LARS1: variants seen among roughly 807,000 people sequenced by gnomAD.
LARS1 encodes leucine--tRNA ligase, cytoplasmic.
Under a neutral mutation model 162.8 loss-of-function variants are expected in LARS1, and 100 were observed. That is an observed-to-expected ratio of 0.61 (90% CI 0.52 to 0.73). The LOEUF (loss-of-function observed/expected upper bound fraction) is 0.73. Ranked by LOEUF, LARS1 falls within the 30% of genes least tolerant of loss-of-function variation. LARS1 has a pLI of 0.00. For synonymous variants in LARS1, 457 were observed against 462.8 expected (o/e 0.99, Z 0.16); for missense variants, 1,258 against 1,408.9 (o/e 0.89, Z 1.71).
chr5:146,113,135 G>C lies in LARS1; in HGVS notation c.*971C>G, dbSNP rs1764049754. The C allele has an allele frequency of 6.6e-6, 1 of 152,262 alleles. No individual in the cohort carries two copies. The highest frequency in any genetic ancestry group is 6.5e-5 in the Admixed American group (1 of 15,280). 9.4% of individuals were successfully genotyped at this position (152,262 alleles called of 1,614,324 possible). A position where few individuals can be genotyped will look rare whatever the true frequency, so the allele number is the denominator to read the frequency against. ...GCTGGAGTGCAATGGCACGGTTTCAGCTCACTGCAACCTCGGTCTCCCAGG... is the reference window on the plus strand; with the variant it reads ...GCTGGAGTGCAATGGCACGGTTTCACCTCACTGCAACCTCGGTCTCCCAGG... On this transcript the variant is annotated 3_prime_UTR_variant, in exon 32 of 32. Coordinates refer to ENST00000394434, the MANE Select transcript of LARS1 (RefSeq NM_020117.11).
chr5:146,161,856 T>C (rs1753795000), intron 6 of LARS1, among the ~76,000 whole-genome samples: 1 of 152,206 alleles, frequency 6.6e-6, no homozygotes, highest in Admixed American at 6.5e-5. Flanking sequence ...TCAACAATGT[T>C]CACTGCACCT....
Position 146,140,095 on chromosome 5 carries a change from C to T in LARS1, c.2148+109G>A. The stretch of plus-strand genomic sequence containing the variant: ...GCTCTGGAATTACAGGCATGAGGCA[C>T]CACACCTGGACACATTATTTCTTAC... On this transcript the variant is annotated intron_variant, in intron 21 of 31. Coordinates refer to ENST00000394434, the MANE Select transcript of LARS1 (RefSeq NM_020117.11). The T allele has an allele frequency of 3.6e-6, 3 of 837,006 alleles. No individual in the cohort carries two copies. In the South Asian group the frequency reaches 4.4e-5, roughly 12 times the overall value. 51.8% of individuals were successfully genotyped at this position (837,006 alleles called of 1,614,324 possible). A position where few individuals can be genotyped will look rare whatever the true frequency, so the allele number is the denominator to read the frequency against.
At chr5:146,123,482 C>G (rs761113953) in intron 29 of LARS1, among the ~76,000 whole-genome samples, 2 of 151,786 alleles carry the variant, frequency 1.3e-5, no homozygotes, top group African/African-American at 4.8e-5. Context: ...GAAAAAAACA[C>G]GGCAAGACAT....
intron 31 of LARS1, among the ~76,000 whole-genome samples, chr5:146,119,828 A>G (rs1197262090): frequency 6.6e-6 from 1 of 152,224 alleles, no homozygotes; most frequent in East Asian, 1.9e-4. Context: ...AGAGTTTACT[A>G]GCTAAACAAA....
chr5:146,157,883 C>T, intron 8 of LARS1, 88 bp from the exon 9 acceptor site: 1 of 1,287,174 alleles, frequency 7.8e-7, no homozygotes, highest in Non-Finnish European at 1.1e-6. Flanking sequence ...GATTCAAGTC[C>T]CTAAAATGGG....
chr5:146,178,366 C>A (rs753738668), intron 1 of LARS1, among the ~76,000 whole-genome samples: 11 of 152,196 alleles, frequency 7.2e-5, no homozygotes, highest in Non-Finnish European at 1.6e-4. Flanking sequence ...GTAATCCCAG[C>A]ACTTTGGGAG....
intron 4 of LARS1, among the ~76,000 whole-genome samples, chr5:146,169,876 G>C (rs1047909538): frequency 1.3e-5 from 2 of 152,000 alleles, no homozygotes. Context: ...AGGAGGAAAA[G>C]TCACCTTTAG....
In LARS1 at chr5:146,113,759, C is replaced by T. The variant is rs1359863063; in HGVS notation, c.*347G>A. Reference sequence around the variant, plus strand: ...ATACTATAAAAAGCTGTTAGGTACACCTTAGCCTTCATCAAAGTATAAAGT... The same window carrying T: ...ATACTATAAAAAGCTGTTAGGTACATCTTAGCCTTCATCAAAGTATAAAGT... On this transcript the variant is annotated 3_prime_UTR_variant, in exon 32 of 32. Transcript: ENST00000394434. 9.4e-6 allele frequency: 2 copies of T among 212,166 alleles called. No individual in the cohort carries two copies. Among genetic ancestry groups the T allele is most frequent in the South Asian group, 9.8e-5 (1 of 10,180 alleles). The allele number at this position is 212,166 out of a possible 1,614,324, so 13.1% of individuals were successfully genotyped here.
intron 20 of LARS1, among the ~76,000 whole-genome samples, chr5:146,141,460 G>C (rs1752773668): frequency 1.3e-5 from 2 of 152,146 alleles, no homozygotes. Flanking sequence ...TATTGGTAAA[G>C]AATACTTCTG....
chr5:146,117,510 T>C (rs1751610347), intron 31 of LARS1, among the ~76,000 whole-genome samples: 1 of 152,196 alleles, frequency 6.6e-6, no homozygotes, highest in Non-Finnish European at 1.5e-5. Context: ...CTCAGTAGGC[T>C]GAGGCATGAG....
chr5:146,160,212 T>TA (rs1243592266), intron 7 of LARS1, among the ~76,000 whole-genome samples, 162 bp downstream of exon 7: 1 of 152,076 alleles, frequency 6.6e-6, no homozygotes, highest in Non-Finnish European at 1.5e-5. Context: ...TTTTTTTTTT[T>TA]ATATAAAGAG....
rs112894446 is a variant in LARS1 at position 146,120,289 on chromosome 5, G to C, written c.3325+82C>G. On this transcript the variant is annotated intron_variant, in intron 31 of 31. Coordinates refer to ENST00000394434, the MANE Select transcript of LARS1 (RefSeq NM_020117.11). ...TACACAGCTGTCCATAAGCAAGCCGGTTTCTTTTCTTTTTCCTTTCTGCTT... is the reference window on the plus strand; with the variant it reads ...TACACAGCTGTCCATAAGCAAGCCGCTTTCTTTTCTTTTTCCTTTCTGCTT... The C allele has an allele frequency of 9.9e-4, 1,421 of 1,441,170 alleles. 8 individuals are homozygous for C. The African/African-American group carries it at 0.018, about 19-fold the overall frequency. The allele number at this position is 1,441,170 out of a possible 1,614,324, so 89.3% of individuals were successfully genotyped here. A position where few individuals can be genotyped will look rare whatever the true frequency, so the allele number is the denominator to read the frequency against.
chr5:146,178,930 A>T (rs746408587), intron 1 of LARS1, among the ~76,000 whole-genome samples: 1 of 151,892 alleles, frequency 6.6e-6, no homozygotes, highest in African/African-American at 2.4e-5. Context: ...CCTCCTCTTT[A>T]AAAGAAAAAC....
At chr5:146,165,316 CAG>C (rs1414588432) in intron 5 of LARS1, among the ~76,000 whole-genome samples, 1 of 151,562 alleles carries the variant, frequency 6.6e-6, no homozygotes, top group Non-Finnish European at 1.5e-5. Context: ...GCCCAGGTGA[CAG>C]AGAGAGACTC....
intron 10 of LARS1, among the ~76,000 whole-genome samples, chr5:146,155,501 T>C (rs1399300925): frequency 6.6e-6 from 1 of 152,214 alleles, no homozygotes; most frequent in Non-Finnish European, 1.5e-5. Context: ...CTAATTTCAC[T>C]TGAAAAAATC....
At chr5:146,150,942 GACACACACACACACACAC>G (rs3995492) in intron 14 of LARS1, among the ~76,000 whole-genome samples, 6 of 134,808 alleles carry the variant, frequency 4.5e-5, no homozygotes, top group South Asian at 2.5e-4. Context: ...CCGTCAGATA[GACACACACACACACACAC>G]ACACACACAC....
At chr5:146,136,517 GTTACCCAGGCT>G (rs1752506939) in intron 21 of LARS1, among the ~76,000 whole-genome samples, 1 of 142,536 alleles carries the variant, frequency 7.0e-6, no homozygotes, top group Non-Finnish European at 1.5e-5. Context: ...GTCTTGCTCT[GTTACCCAGGCT>G]GGAGTGCAGT....
At position 146,153,162 on chromosome 5, in the gene LARS1, C is replaced by G. The variant is rs777813472; in HGVS notation, c.1284+12G>C. 3 of 1,598,004 alleles carry G rather than the reference C, an allele frequency of 1.9e-6. No homozygotes were observed. Among genetic ancestry groups the G allele is most frequent in the Non-Finnish European group, 1.7e-6 (2 of 1,165,864 alleles). ...GATGGATGTGAATATTCTGAATTAT[C>G]TATGTACTCACCGGCTCAAATGGCA... is the stretch of plus-strand genomic sequence containing the variant. On this transcript the variant is annotated intron_variant, in intron 13 of 31. Transcript: ENST00000394434.
At chr5:146,176,538 C>G (rs1332220886) in intron 2 of LARS1, among the ~76,000 whole-genome samples, 2 of 151,562 alleles carry the variant, frequency 1.3e-5, no homozygotes, top group Non-Finnish European at 2.9e-5. Context: ...TGCTAGCACA[C>G]AGTAAGTGTT....
Sources: gnomAD v4.1 joint callset for allele counts (sites outside exome capture counted in the v4.1 genomes callset) on GRCh38, gnomAD v4.1.1 for gene constraint, MANE v1.5 for transcripts, NCBI Gene and HGNC (gene_info 2026-07-23, HGNC 2026-07-21) for gene names.